The following CLCN3 variants were observed in gnomAD, a reference collection of about 807,000 sequenced individuals.
CLCN3 encodes H(+)/Cl(-) exchange transporter 3.
In CLCN3, 16 loss-of-function variants were observed where a neutral mutation model predicts 83.4. The ratio of observed to expected loss-of-function variants is 0.19; its 90% CI spans 0.13 to 0.29. The LOEUF (loss-of-function observed/expected upper bound fraction) is 0.29. CLCN3 is among the 10% of genes least tolerant of loss of function. The pLI is 1.00. For synonymous variants in CLCN3, 322 were observed against 346.2 expected (o/e 0.93, Z 0.78); for missense variants, 544 against 1,006.0 (o/e 0.54, Z 6.21).
chr4:169,713,059 T>G lies in CLCN3; in HGVS notation c.2150-20T>G, dbSNP rs374303138. ...AAATCTATCAGTTTAAAAGTGTTGG[T>G]CTCTTCTCTCTCTTTTCAGAAAGTG... On this transcript the variant is annotated intron_variant, in intron 11 of 12. Transcript: ENST00000513761. 6.3e-7 allele frequency: 1 copy of G among 1,591,034 alleles called. No individual in the cohort carries two copies. The highest frequency in any genetic ancestry group is 8.6e-7 in the Non-Finnish European group (1 of 1,159,790).
At position 169,721,807 on chromosome 4, in the gene CLCN3, C is replaced by T. The variant is rs966652765; in HGVS notation, c.*1810C>T. On this transcript the variant is annotated 3_prime_UTR_variant, in exon 13 of 13. Transcript: ENST00000513761. ...CTGGGCTAAATATTCTGTAATTATG[C>T]ATTTTTGATAGGAAAATGAAATTTT... 5 of 152,084 alleles carry T rather than the reference C, an allele frequency of 3.3e-5. No individual in the cohort carries two copies. Among genetic ancestry groups the T allele is most frequent in the Non-Finnish European group, 5.9e-5 (4 of 68,016 alleles). The allele number at this position is 152,084 out of a possible 1,614,324, so 9.4% of individuals were successfully genotyped here.
chr4:169,641,249 G>A (rs1730404616), intron 2 of CLCN3, among the ~76,000 whole-genome samples: 1 of 152,088 alleles, frequency 6.6e-6, no homozygotes, highest in Non-Finnish European at 1.5e-5. Flanking sequence ...CTAGGCAACA[G>A]TGAAACCCAG....
At chr4:169,639,335 T>C (rs1488760639) in intron 2 of CLCN3, among the ~76,000 whole-genome samples, 1 of 152,230 alleles carries the variant, frequency 6.6e-6, no homozygotes. Flanking sequence ...CCCAGTCTAT[T>C]GGTAGTTTAT....
chr4:169,642,966 G>A (rs1016040493), intron 2 of CLCN3: 13 of 152,240 alleles, frequency 8.5e-5, no homozygotes, highest in East Asian at 1.9e-4. Context: ...GACTATCTTC[G>A]AATAGATGGA....
intron 2 of CLCN3, among the ~76,000 whole-genome samples, chr4:169,655,067 A>G (rs1398935596): frequency 6.6e-6 from 1 of 152,110 alleles, no homozygotes. Flanking sequence ...TTATTTTTTA[A>G]ATAACTCTAT....
chr4:169,653,672 G>GGA (rs1730801285), intron 2 of CLCN3, among the ~76,000 whole-genome samples: 1 of 140,698 alleles, frequency 7.1e-6, no homozygotes, highest in East Asian at 2.1e-4. Flanking sequence ...GGAAAGAAAA[G>GGA]AGGTCGTGCA....
At chr4:169,696,080 G>T (rs1026516834) in intron 8 of CLCN3, among the ~76,000 whole-genome samples, 1 of 151,758 alleles carries the variant, frequency 6.6e-6, no homozygotes, top group African/African-American at 2.4e-5. Context: ...GGGTTTTTTT[G>T]TTTTGTTTTG....
chr4:169,662,247 G>C (rs775073862), intron 2 of CLCN3, among the ~76,000 whole-genome samples: 9 of 152,022 alleles, frequency 5.9e-5, no homozygotes, highest in Non-Finnish European at 1.0e-4. Context: ...CCCACTCTTG[G>C]CAGCTCAAAT....
intron 2 of CLCN3, among the ~76,000 whole-genome samples, chr4:169,674,815 A>G (rs575949753): frequency 1.3e-5 from 2 of 152,190 alleles, no homozygotes; most frequent in African/African-American, 2.4e-5. Flanking sequence ...CATTGGCGCA[A>G]TCACAGCCCA....
chr4:169,644,351 G>A (rs1186491269), intron 2 of CLCN3, among the ~76,000 whole-genome samples: 2 of 150,210 alleles, frequency 1.3e-5, no homozygotes, highest in Admixed American at 6.7e-5. Context: ...TCCGCCTCCC[G>A]GGTTCAAGCA....
intron 2 of CLCN3, among the ~76,000 whole-genome samples, chr4:169,679,085 C>A (rs190706416): frequency 7.9e-5 from 12 of 151,786 alleles, no homozygotes; most frequent in South Asian, 2.1e-4. Context: ...ACGCTCCTCA[C>A]TTCCCAGATG....
At chr4:169,673,984 G>A (rs1731579593) in intron 2 of CLCN3, among the ~76,000 whole-genome samples, 1 of 152,120 alleles carries the variant, frequency 6.6e-6, no homozygotes, top group Non-Finnish European at 1.5e-5. Flanking sequence ...CTTCTGTATA[G>A]CTACCGTACA....
intron 10 of CLCN3, among the ~76,000 whole-genome samples, chr4:169,706,451 T>C (rs910094838): frequency 1.3e-5 from 2 of 152,178 alleles, no homozygotes; most frequent in South Asian, 2.1e-4. Context: ...ATTCTACCCA[T>C]ATATGAGTTT....
chr4:169,631,283 T>C (rs1427927108), intron 1 of CLCN3, among the ~76,000 whole-genome samples: 15 of 151,900 alleles, frequency 9.9e-5, no homozygotes, highest in Admixed American at 9.8e-4. Context: ...CCTTGCCTAC[T>C]TTTTTTGTTT....
chr4:169,663,671 T>G (rs1731146030), intron 2 of CLCN3: 1 of 420,942 alleles, frequency 2.4e-6, no homozygotes, highest in African/African-American at 2.1e-5. Context: ...ATGAAATTAT[T>G]TAAATCCTCA....
At chr4:169,673,672 A>G (rs982091724) in intron 2 of CLCN3, among the ~76,000 whole-genome samples, 1 of 152,142 alleles carries the variant, frequency 6.6e-6, no homozygotes, top group African/African-American at 2.4e-5. Context: ...AAAATATTTC[A>G]TAGTAGGCTT....
Position 169,716,784 on chromosome 4 carries a change from G to A in CLCN3, c.2367-3123G>A, listed in dbSNP as rs567824829. Among the ~76,000 whole-genome samples, 59 of 152,066 alleles carry A rather than the reference G, an allele frequency of 3.9e-4. 1 individual carries two copies. Among genetic ancestry groups the A allele is most frequent in the African/African-American group, 1.3e-3 (53 of 41,486 alleles). ...CTAAGTAACTATTTTACACCTGGAC[G>A]TAGCTATAGGAACAGGCTACTTTGA... On this transcript the variant is annotated intron_variant, in intron 12 of 12. Coordinates refer to ENST00000513761, the MANE Select transcript of CLCN3 (RefSeq NM_001829.4).
chr4:169,720,041 T>C lies in CLCN3; in HGVS notation c.*44T>C. 6.2e-7 allele frequency: 1 copy of C among 1,613,042 alleles called. No individual in the cohort carries two copies. The highest frequency in any genetic ancestry group is 1.7e-5 in the Admixed American group (1 of 59,828). On this transcript the variant is annotated 3_prime_UTR_variant, in exon 13 of 13. Coordinates refer to ENST00000513761, the MANE Select transcript of CLCN3 (RefSeq NM_001829.4). ...GAGAAGAAACGGAAGAGGAAGTTTATTTGTTGAATAGCACAACTCTTTAAC... is the reference window on the plus strand; with the variant it reads ...GAGAAGAAACGGAAGAGGAAGTTTACTTGTTGAATAGCACAACTCTTTAAC...
In CLCN3 at chr4:169,697,409, C is replaced by T. The variant is rs1190062987; in HGVS notation, c.1238C>T (p.Ala413Val). The T allele has an allele frequency of 6.2e-7, 1 of 1,613,944 alleles. No homozygotes were observed. The highest frequency in any genetic ancestry group is 8.5e-7 in the Non-Finnish European group (1 of 1,180,032). The change falls in exon 9 of 13, where the codon GCC (alanine) becomes GTC (valine). Residue 413 changes from alanine to valine, a missense_variant. Physicochemically the swap from Ala to Val is moderately conservative, Grantham distance 64. Transcript: ENST00000513761. ...GCCTTTTTCATTAGGGCAAATATTG[C>T]CTGGTGTCGTCGACGCAAGTCCACG... ...WGAFFIRANI[A>V]WCRRRKSTKF... is the part of the protein sequence containing the mutation.
Sources: gnomAD v4.1 joint callset for allele counts (sites outside exome capture counted in the v4.1 genomes callset) on GRCh38, gnomAD v4.1.1 for gene constraint, MANE v1.5 for transcripts, NCBI Gene and HGNC (gene_info 2026-07-23, HGNC 2026-07-21) for gene names.